NIPAL3: variants seen among roughly 807,000 people sequenced by gnomAD.
The protein encoded by NIPAL3 is NIPA-like protein 3.
Under a neutral mutation model 47.2 loss-of-function variants are expected in NIPAL3, and 41 were observed. The observed-to-expected ratio is 0.87, with a 90% CI of 0.68 to 1.13. The LOEUF (loss-of-function observed/expected upper bound fraction) is 1.13, where lower values mean the gene tolerates loss of function less well. NIPAL3 is among the 50% of genes most tolerant of loss of function. The pLI is 0.00. For synonymous variants in NIPAL3, 194 were observed against 209.6 expected (o/e 0.93, Z 0.64); for missense variants, 449 against 530.1 (o/e 0.85, Z 1.50).
At chr1:24,465,824 AT>A (rs1646673435) in intron 11 of NIPAL3, 3 of 855,904 alleles carry the variant, frequency 3.5e-6, no homozygotes. Context: ...GCCTGGTTAT[AT>A]TTGGTTTCAC....
chr1:24,442,291 C>T, intron 4 of NIPAL3, 65 bp downstream of exon 4: 5 of 1,554,502 alleles, frequency 3.2e-6, no homozygotes, highest in Non-Finnish European at 4.4e-6. Context: ...AGTGCCAGCG[C>T]CAGGATCAAA....
At chr1:24,450,759 G>A (rs987166463) in intron 6 of NIPAL3, among the ~76,000 whole-genome samples, 5 of 152,164 alleles carry the variant, frequency 3.3e-5, no homozygotes, top group Admixed American at 2.6e-4. Flanking sequence ...TTCCTTCCCC[G>A]TGGCCTGCCG....
intron 5 of NIPAL3, among the ~76,000 whole-genome samples, chr1:24,446,069 CGTGTGTGTGTGT>C (rs58016013): frequency 6.8e-6 from 1 of 147,736 alleles, no homozygotes; most frequent in Non-Finnish European, 1.5e-5. Context: ...AGATTATAGT[CGTGTGTGTGTGT>C]GTGTGTGTGT....
chr1:24,415,683 T>TC (rs1468687863), upstream of NIPAL3: 11 of 204,732 alleles, frequency 5.4e-5, no homozygotes, highest in East Asian at 2.0e-3. Context: ...TCCCGCCTAC[T>TC]CCCCGTCCTC....
At chr1:24,428,254 A>AAAAG (rs1553133112) in intron 2 of NIPAL3, among the ~76,000 whole-genome samples, 20 of 54,134 alleles carry the variant, frequency 3.7e-4, no homozygotes, top group Admixed American at 6.1e-4. Context: ...CTGTCTCAAA[A>AAAAG]AGAAAGAGAG....
intron 2 of NIPAL3, among the ~76,000 whole-genome samples, chr1:24,425,309 T>A (rs1317083505): frequency 2.1e-5 from 3 of 140,954 alleles, no homozygotes; most frequent in African/African-American, 5.2e-5. Context: ...ATTATGAGAT[T>A]TTTTTTGCGA....
intron 9 of NIPAL3, among the ~76,000 whole-genome samples, chr1:24,459,265 C>T (rs937042582): frequency 2.4e-4 from 36 of 152,160 alleles, no homozygotes; most frequent in Admixed American, 2.2e-3. Flanking sequence ...TCCAAATGTG[C>T]CCTATGCCAT....
chr1:24,442,366 ACACCAGG>A, intron 4 of NIPAL3, 140 bp downstream of exon 4: 1 of 833,458 alleles, frequency 1.2e-6, no homozygotes, highest in Non-Finnish European at 1.8e-6. Flanking sequence ...GGCTTCAGAC[ACACCAGG>A]CCCTGTAAGT....
At chr1:24,428,391 G>A (rs1644727109) in intron 2 of NIPAL3, among the ~76,000 whole-genome samples, 1 of 151,096 alleles carries the variant, frequency 6.6e-6, no homozygotes, top group Non-Finnish European at 1.5e-5. Context: ...TTGGCCATAA[G>A]GAAATTATCA....
intron 7 of NIPAL3, among the ~76,000 whole-genome samples, chr1:24,455,784 C>T (rs1646170266): frequency 6.6e-6 from 1 of 152,256 alleles, no homozygotes; most frequent in African/African-American, 2.4e-5. Context: ...CTGGTAAGTT[C>T]GTTGATCCAC....
At chr1:24,427,739 A>G (rs1644661794) in intron 2 of NIPAL3, among the ~76,000 whole-genome samples, 1 of 152,220 alleles carries the variant, frequency 6.6e-6, no homozygotes, top group African/African-American at 2.4e-5. Context: ...AGAAGGGTGC[A>G]CAGAAAGGGC....
intron 2 of NIPAL3, among the ~76,000 whole-genome samples, chr1:24,420,514 A>AGT (rs1443535257): frequency 3.3e-5 from 5 of 151,982 alleles, no homozygotes; most frequent in African/African-American, 9.7e-5. Context: ...CCAAAAAAAA[A>AGT]GTATATATAT....
upstream of NIPAL3, chr1:24,415,032 T>C (rs899275451): frequency 1.3e-5 from 2 of 152,186 alleles, no homozygotes; most frequent in African/African-American, 4.8e-5. Context: ...ATTGTTGATG[T>C]CTAGGCCCAA....
Position 24,415,880 on chromosome 1 carries a change from G to T in NIPAL3, c.-282G>T. ...GTCATTTCTCAGAAGGTTTTGATAG[G>T]TGGGCCTTAGAGGAGACGCCGCCGG... On this transcript the variant is annotated 5_prime_UTR_variant, in exon 1 of 12. Coordinates refer to ENST00000374399, the MANE Select transcript of NIPAL3 (RefSeq NM_020448.5). The T allele has an allele frequency of 1.0e-6, 1 of 985,502 alleles. No individual in the cohort carries two copies. Among genetic ancestry groups the T allele is most frequent in the Non-Finnish European group, 1.2e-6 (1 of 829,946 alleles). 61.0% of individuals were successfully genotyped at this position (985,502 alleles called of 1,614,324 possible).
At chr1:24,438,883 TG>T (rs1217967336) in intron 2 of NIPAL3, among the ~76,000 whole-genome samples, 1 of 116,848 alleles carries the variant, frequency 8.6e-6, no homozygotes, top group African/African-American at 2.8e-5. Flanking sequence ...TGCTATAGTG[TG>T]GTTTAAATGC....
chr1:24,471,060 C>T lies in NIPAL3; in HGVS notation c.*1875C>T, dbSNP rs1646884649. 6.6e-6 allele frequency: 1 copy of T among 152,238 alleles called. No individual in the cohort carries two copies. The highest frequency in any genetic ancestry group is 2.4e-5 in the African/African-American group (1 of 41,460). The allele number at this position is 152,238 out of a possible 1,614,324, so 9.4% of individuals were successfully genotyped here. On this transcript the variant is annotated 3_prime_UTR_variant, in exon 12 of 12. Transcript: ENST00000374399. The stretch of plus-strand genomic sequence containing the variant: ...ACAGAAAATGACCGTCATGGAGACC[C>T]TGCTAAAGGTCGGACCCTGAGCCCA...
intron 7 of NIPAL3, among the ~76,000 whole-genome samples, chr1:24,455,229 G>A (rs1416027666): frequency 1.3e-5 from 2 of 152,224 alleles, no homozygotes; most frequent in Non-Finnish European, 2.9e-5. Context: ...CTCCTGTTTG[G>A]CAGGGCAGTC....
chr1:24,466,697 A>T (rs1646712392), intron 11 of NIPAL3, among the ~76,000 whole-genome samples: 1 of 152,088 alleles, frequency 6.6e-6, no homozygotes, highest in African/African-American at 2.4e-5. Context: ...ATAAACCCAT[A>T]TTTGTTAGAC....
intron 2 of NIPAL3, among the ~76,000 whole-genome samples, chr1:24,439,176 C>T (rs1256213434): frequency 6.6e-6 from 1 of 151,990 alleles, no homozygotes; most frequent in Non-Finnish European, 1.5e-5. Context: ...GCCCATTTAC[C>T]CCGACTCTAA....
Sources: allele counts gnomAD v4.1 joint callset (sites outside exome capture counted in the v4.1 genomes callset), GRCh38; gene constraint gnomAD v4.1.1; transcripts MANE v1.5; gene names NCBI Gene and HGNC (gene_info 2026-07-23, HGNC 2026-07-21).